Variants in PPIG observed in about 807,000 individuals in gnomAD.
PPIG encodes peptidyl-prolyl cis-trans isomerase G.
A neutral mutation model predicts 87.9 loss-of-function variants in PPIG; 26 were observed. The ratio of observed to expected loss-of-function variants is 0.30; its 90% CI spans 0.22 to 0.41. PPIG has a LOEUF of 0.41. PPIG is among the 10% of genes least tolerant of loss of function. The probability of loss-of-function intolerance (pLI) is 1.00; values close to 1 mark genes in which losing one functional copy is unlikely to be tolerated. For missense variants in PPIG, 722 were observed against 879.4 expected (o/e 0.82, Z 2.26); for synonymous variants, 308 against 276.5 (o/e 1.11, Z -1.13).
chr2:169,587,381 A>G (rs927314777), intron 1 of PPIG, among the ~76,000 whole-genome samples: 1 of 151,998 alleles, frequency 6.6e-6, no homozygotes, highest in African/African-American at 2.4e-5. Context: ...AGCTGGGATT[A>G]CAGGCATGTG....
In PPIG at chr2:169,639,567, A is replaced by G. The variant is rs1026471128; in HGVS notation, c.*2044A>G. On this transcript the variant is annotated 3_prime_UTR_variant, in exon 14 of 14. Coordinates refer to ENST00000260970, the MANE Select transcript of PPIG (RefSeq NM_004792.3). The stretch of plus-strand genomic sequence containing the variant: ...AAAATTGTAGTAATTTCTATAGGCA[A>G]TATTCTGTTTGGGTTATCAAAAGAG... 1.3e-5 allele frequency: 2 copies of G among 152,122 alleles called. No individual in the cohort carries two copies. Among genetic ancestry groups the G allele is most frequent in the Admixed American group, 1.3e-4 (2 of 15,260 alleles). The allele number at this position is 152,122 out of a possible 1,614,324, so 9.4% of individuals were successfully genotyped here. A position where few individuals can be genotyped will look rare whatever the true frequency, so the allele number is the denominator to read the frequency against.
intron 4 of PPIG, among the ~76,000 whole-genome samples, 165 bp downstream of exon 4, chr2:169,604,426 T>C (rs968692391): frequency 6.3e-5 from 9 of 143,704 alleles, no homozygotes; most frequent in African/African-American, 2.3e-4. Context: ...CACATAAGCG[T>C]CCTCAGCTGG....
At chr2:169,628,767 T>A (rs1315632695) in intron 9 of PPIG, among the ~76,000 whole-genome samples, 19 of 151,692 alleles carry the variant, frequency 1.3e-4, no homozygotes, top group Admixed American at 1.3e-3. Context: ...TGGGGAGAAC[T>A]TGTCTCTACA....
chr2:169,585,446 A>G (rs1684674611), intron 1 of PPIG, among the ~76,000 whole-genome samples: 1 of 151,792 alleles, frequency 6.6e-6, no homozygotes, highest in Admixed American at 6.6e-5. Flanking sequence ...TGTTTTTAGT[A>G]GAGACGGGTT....
rs534501953 is a variant in PPIG, at chr2:169,633,286, ATT to A, written c.1017+41_1017+42del. On this transcript the variant is annotated intron_variant, in intron 12 of 13. Transcript: ENST00000260970. ...TCCCCAGAGATCTTCACAATATTGC[ATT>A]TGTCTTCCTTAAATAATTTTAGGGT... 110 of 1,395,616 alleles carry A rather than the reference ATT, an allele frequency of 7.9e-5. No homozygotes were observed. The African/African-American group carries it at 1.3e-3, about 17-fold the overall frequency. 86.5% of individuals were successfully genotyped at this position (1,395,616 alleles called of 1,614,324 possible).
intron 9 of PPIG, among the ~76,000 whole-genome samples, chr2:169,623,524 T>C (rs1245714029): frequency 6.6e-6 from 1 of 152,114 alleles, no homozygotes; most frequent in African/African-American, 2.4e-5. Context: ...GGTAAGTAGT[T>C]GTATGAGAAG....
intron 1 of PPIG, among the ~76,000 whole-genome samples, chr2:169,601,906 C>CA (rs140359069): frequency 0.43 from 59,073 of 138,336 alleles, 12,158 homozygotes; most frequent in East Asian, 0.6. Flanking sequence ...AAGACTTGTA[C>CA]AAAAAAAAAA....
intron 9 of PPIG, among the ~76,000 whole-genome samples, chr2:169,629,928 T>G (rs1039002588): frequency 1.3e-5 from 2 of 152,144 alleles, no homozygotes; most frequent in African/African-American, 4.8e-5. Context: ...TCTAATATAA[T>G]CTGATATATC....
chr2:169,604,182 T>A lies in PPIG; in HGVS notation c.62-5T>A. ...AGAAGTTTAACCAACTACCTTCTTTTTCAGCTGGAAGAGTTGTCTTTGAAT... is the reference window on the plus strand; with the variant it reads ...AGAAGTTTAACCAACTACCTTCTTTATCAGCTGGAAGAGTTGTCTTTGAAT... On this transcript the variant is annotated splice_polypyrimidine_tract_variant and splice_region_variant and intron_variant, in intron 3 of 13. Transcript: ENST00000260970. The A allele has an allele frequency of 6.2e-7, 1 of 1,613,286 alleles. No individual in the cohort carries two copies. The highest frequency in any genetic ancestry group is 8.5e-7 in the Non-Finnish European group (1 of 1,179,470).
intron 9 of PPIG, among the ~76,000 whole-genome samples, chr2:169,617,709 C>T (rs919553223): frequency 8.5e-5 from 13 of 152,102 alleles, no homozygotes; most frequent in Admixed American, 8.5e-4. Context: ...ATTTTGTATC[C>T]GGAGACTTTG....
At position 169,636,540 on chromosome 2, in the gene PPIG, G is replaced by T; in HGVS notation, c.1282G>T (p.Asp428Tyr). Residue 428 changes from aspartate to tyrosine, a missense_variant, in exon 14 of 14, where the codon GAC (aspartate) becomes TAC (tyrosine). By Grantham distance (160) the Asp-to-Tyr change is radical (BLOSUM62 -3). This residue lies in a region of PPIG where 476 missense variants were observed against 483.1 expected (regional missense o/e 0.99). Transcript: ENST00000260970. ...AAATGAAAAGGAGAAGAAAGTTAAA[G>T]ACCATAAATCTAACAGCAAAGAGAG... ...RKNEKEKKVK[D>Y]HKSNSKERDI... 3 of 1,609,704 alleles carry T rather than the reference G, an allele frequency of 1.9e-6. No individual in the cohort carries two copies. Among genetic ancestry groups the T allele is most frequent in the Non-Finnish European group, 1.7e-6 (2 of 1,178,746 alleles).
At chr2:169,606,590 T>TAAAAAAAAAAAA (rs1360012419) in intron 5 of PPIG, among the ~76,000 whole-genome samples, 1 of 10,008 alleles carries the variant, frequency 1.0e-4, no homozygotes, top group African/African-American at 3.6e-4. Flanking sequence ...AGACTCTGTC[T>TAAAAAAAAAAAA]CAAAAAAAAA....
intron 1 of PPIG, among the ~76,000 whole-genome samples, chr2:169,596,411 TGTGTTTTGA>T (rs1009416287): frequency 6.6e-6 from 1 of 152,092 alleles, no homozygotes; most frequent in African/African-American, 2.4e-5. Flanking sequence ...GGCCGAAAAT[TGTGTTTTGA>T]GTGGCCTAAA....
chr2:169,622,057 C>G (rs1460628057), intron 9 of PPIG, among the ~76,000 whole-genome samples: 1 of 152,022 alleles, frequency 6.6e-6, no homozygotes, highest in African/African-American at 2.4e-5. Context: ...GGCCCCATCT[C>G]TAAAAAATAT....
intron 7 of PPIG, among the ~76,000 whole-genome samples, chr2:169,610,454 G>C (rs1685454384): frequency 1.3e-5 from 2 of 151,366 alleles, no homozygotes; most frequent in Non-Finnish European, 2.9e-5. Context: ...ATTTCATTTT[G>C]TTCTCCTTCC....
At chr2:169,604,153 G>C in intron 3 of PPIG, 34 bp from the exon 4 acceptor site, 1 of 1,608,382 alleles carries the variant, frequency 6.2e-7, no homozygotes. Context: ...TTTTAAATTA[G>C]TAAAGAAGTT....
At chr2:169,610,784 A>G (rs1390904770) in intron 7 of PPIG, among the ~76,000 whole-genome samples, 2 of 152,114 alleles carry the variant, frequency 1.3e-5, no homozygotes, top group East Asian at 3.9e-4. Context: ...TCCTTAAAAT[A>G]CTCCATAACA....
chr2:169,630,905 T>A lies in PPIG; in HGVS notation c.679T>A (p.Ser227Thr). The A allele has an allele frequency of 6.2e-7, 1 of 1,604,608 alleles. No homozygotes were observed. Among genetic ancestry groups the A allele is most frequent in the South Asian group, 1.1e-5 (1 of 88,144 alleles). The change falls in exon 10 of 14, where the codon TCA becomes ACA. Residue 227 changes from serine to threonine, a missense_variant. Coordinates refer to ENST00000260970, the MANE Select transcript of PPIG (RefSeq NM_004792.3). Reference protein sequence around the residue: ...SDSESATEEKSKKRKKKHRKN... With the variant: ...SDSESATEEKTKKRKKKHRKN... ...TTCCGAAAGTGCTACTGAAGAGAAA[T>A]CAAAGAAAAGAAAAAAGAAACATCG...
intron 9 of PPIG, 107 bp downstream of exon 9, chr2:169,614,831 G>T: frequency 3.1e-6 from 4 of 1,303,246 alleles, no homozygotes; most frequent in Non-Finnish European, 4.1e-6. Context: ...GAAAAATGAG[G>T]TTTTTGTTTT....
Sources: gnomAD v4.1 joint callset for allele counts (sites outside exome capture counted in the v4.1 genomes callset) on GRCh38, gnomAD v4.1.1 for gene constraint, gnomAD v4.1.1 regional missense constraint, MANE v1.5 for transcripts, NCBI Gene and HGNC (gene_info 2026-07-23, HGNC 2026-07-21) for gene names.